CLVS1: variants seen among roughly 807,000 people sequenced by gnomAD.
CLVS1 encodes clavesin-1.
A neutral mutation model predicts 33.1 loss-of-function variants in CLVS1; 10 were observed. The ratio of observed to expected loss-of-function variants is 0.30; its 90% CI spans 0.19 to 0.51. The LOEUF (loss-of-function observed/expected upper bound fraction) is 0.51. Ranked by LOEUF, CLVS1 falls within the 20% of genes least tolerant of loss-of-function variation. The probability of loss-of-function intolerance (pLI) is 0.97; values close to 1 mark genes in which losing one functional copy is unlikely to be tolerated. For missense variants in CLVS1, 343 were observed against 433.4 expected (o/e 0.79, Z 1.85); for synonymous variants, 163 against 166.1 (o/e 0.98, Z 0.14).
chr8:61,385,166 A>G (rs988388604), intron 3 of CLVS1, among the ~76,000 whole-genome samples: 1 of 152,204 alleles, frequency 6.6e-6, no homozygotes, highest in African/African-American at 2.4e-5. Flanking sequence ...CGAGAAGAAT[A>G]TATTAAGGGT....
At chr8:61,073,458 A>G (rs967764423) in intron 1 of CLVS1, among the ~76,000 whole-genome samples, 1 of 152,232 alleles carries the variant, frequency 6.6e-6, no homozygotes, top group African/African-American at 2.4e-5. Context: ...CAACAAAGCC[A>G]CAAATGAGAC....
intron 2 of CLVS1, among the ~76,000 whole-genome samples, chr8:61,264,225 C>T (rs2978490): frequency 0.27 from 40,238 of 151,804 alleles, 6,499 homozygotes; most frequent in Non-Finnish European, 0.35. Context: ...TTCAATCCCA[C>T]GATGTTAAAT....
At chr8:61,198,913 G>A (rs1807671159) in intron 2 of CLVS1, among the ~76,000 whole-genome samples, 1 of 152,108 alleles carries the variant, frequency 6.6e-6, no homozygotes, top group African/African-American at 2.4e-5. Flanking sequence ...CTTTTCCAAG[G>A]GTGAGTAGTA....
chr8:61,100,367 A>C (rs1805426368), intron 1 of CLVS1, among the ~76,000 whole-genome samples: 1 of 152,186 alleles, frequency 6.6e-6, no homozygotes, highest in Non-Finnish European at 1.5e-5. Flanking sequence ...AAATTAGTGA[A>C]TAAGTCCCAG....
chr8:61,459,622 T>G (rs1205187965), intron 5 of CLVS1, among the ~76,000 whole-genome samples: 1 of 152,028 alleles, frequency 6.6e-6, no homozygotes, highest in Non-Finnish European at 1.5e-5. Flanking sequence ...AAGACTAAAA[T>G]CCCCTTCAGC....
chr8:61,447,786 A>G (rs1241285671), intron 3 of CLVS1, among the ~76,000 whole-genome samples: 1 of 152,148 alleles, frequency 6.6e-6, no homozygotes, highest in Non-Finnish European at 1.5e-5. Context: ...CAAGAGGAAA[A>G]GAAAAACCCA....
intron 3 of CLVS1, among the ~76,000 whole-genome samples, chr8:61,378,635 C>T (rs1813744337): frequency 6.6e-6 from 1 of 152,154 alleles, no homozygotes; most frequent in Non-Finnish European, 1.5e-5. Flanking sequence ...GTTCCTTCAT[C>T]AAGGATAGGG....
At chr8:61,022,722 G>A in the CLVS1 span, among the ~76,000 whole-genome samples, 1 of 152,178 alleles carries the variant, frequency 6.6e-6, no homozygotes, top group Non-Finnish European at 1.5e-5. Context: ...CAGTGCTAAT[G>A]AAGGCCCTTC....
At chr8:61,474,828 T>C (rs2934017) in intron 5 of CLVS1, among the ~76,000 whole-genome samples, 126,966 of 151,960 alleles carry the variant, frequency 0.84, 53,303 homozygotes, top group Non-Finnish European at 0.86. Context: ...TAAGTTTTAT[T>C]GTACATATGC....
intron 2 of CLVS1, among the ~76,000 whole-genome samples, chr8:61,331,633 A>G (rs942729086): frequency 6.6e-6 from 1 of 151,458 alleles, no homozygotes; most frequent in Non-Finnish European, 1.5e-5. Flanking sequence ...TGCACTTTTC[A>G]CATAGGGCAT....
At chr8:61,140,729 A>AT (rs1165479335) in intron 2 of CLVS1, among the ~76,000 whole-genome samples, 62 of 149,192 alleles carry the variant, frequency 4.2e-4, no homozygotes, top group African/African-American at 1.1e-3. Context: ...GCCCGGCTAA[A>AT]TTTTTTTTTT....
At chr8:61,320,240 GTTATAA>G (rs1367287568) in intron 2 of CLVS1, among the ~76,000 whole-genome samples, 1 of 151,750 alleles carries the variant, frequency 6.6e-6, no homozygotes, top group African/African-American at 2.4e-5. Flanking sequence ...ATTTTTATAA[GTTATAA>G]TTGTTGTGGA....
At position 61,115,643 on chromosome 8, in the gene CLVS1, C is replaced by T. The variant is rs528470855; in HGVS notation, c.-242-16127C>T. Among the ~76,000 whole-genome samples, 338 of 151,676 alleles carry T rather than the reference C, an allele frequency of 2.2e-3. 1 individual carries two copies. The highest frequency in any genetic ancestry group is 6.8e-3 in the African/African-American group (280 of 41,288). On this transcript the variant is annotated intron_variant, in intron 1 of 2. Transcript: ENST00000522621. ...TGCGGTGTTTGGTTTTTTGTTCTTG[C>T]GATAGTGTACTGAGAATGATGTTTT... is the stretch of plus-strand genomic sequence containing the variant.
chr8:60,975,388 T>C, the CLVS1 span, among the ~76,000 whole-genome samples: 2 of 152,166 alleles, frequency 1.3e-5, no homozygotes, highest in Non-Finnish European at 1.5e-5. Flanking sequence ...GTATAGGATC[T>C]TGAGATGAGA....
chr8:61,105,706 T>C (rs983924008), intron 1 of CLVS1, among the ~76,000 whole-genome samples: 1 of 152,206 alleles, frequency 6.6e-6, no homozygotes, highest in African/African-American at 2.4e-5. Flanking sequence ...TCATACATAT[T>C]TTCTTAATTA....
chr8:61,041,382 T>A, the CLVS1 span, among the ~76,000 whole-genome samples: 1 of 152,220 alleles, frequency 6.6e-6, no homozygotes, highest in Non-Finnish European at 1.5e-5. Context: ...GTTAGTATCT[T>A]GATAGGAATA....
At chr8:61,015,340 T>C in the CLVS1 span, among the ~76,000 whole-genome samples, 1 of 152,246 alleles carries the variant, frequency 6.6e-6, no homozygotes, top group Non-Finnish European at 1.5e-5. Flanking sequence ...ATACTGATTC[T>C]GAGTAGTAAT....
intron 3 of CLVS1, among the ~76,000 whole-genome samples, chr8:61,440,844 A>C (rs572410459): frequency 6.6e-6 from 1 of 152,228 alleles, no homozygotes; most frequent in Non-Finnish European, 1.5e-5. Context: ...TTCTAGGAAC[A>C]TATATTCTAA....
At chr8:61,185,683 A>G (rs1027876699) in intron 2 of CLVS1, among the ~76,000 whole-genome samples, 1 of 152,162 alleles carries the variant, frequency 6.6e-6, no homozygotes, top group African/African-American at 2.4e-5. Context: ...TAGTATTTAA[A>G]TACTAAGACT....
Sources: allele counts gnomAD v4.1 joint callset (sites outside exome capture counted in the v4.1 genomes callset), GRCh38; gene constraint gnomAD v4.1.1; transcripts MANE v1.5; gene names NCBI Gene and HGNC (gene_info 2026-07-23, HGNC 2026-07-21).